NTN1: variants seen among roughly 807,000 people sequenced by gnomAD.
NTN1 encodes the protein netrin 1, also known as netrin-1.
A neutral mutation model predicts 54.2 loss-of-function variants in NTN1; 11 were observed. The observed-to-expected ratio is 0.20, with a 90% CI of 0.13 to 0.34. The LOEUF (loss-of-function observed/expected upper bound fraction) is 0.34. NTN1 is among the 10% of genes least tolerant of loss of function. The pLI is 1.00. For missense variants in NTN1, 740 were observed against 893.1 expected (o/e 0.83, Z 2.18); for synonymous variants, 371 against 382.0 (o/e 0.97, Z 0.33).
intron 5 of NTN1, among the ~76,000 whole-genome samples, chr17:9,187,786 G>A (rs760579612): frequency 4.7e-4 from 71 of 151,812 alleles, no homozygotes; most frequent in Non-Finnish European, 6.9e-4. Context: ...AGCCGTGATT[G>A]CACCACTGTA....
intron 2 of NTN1, among the ~76,000 whole-genome samples, chr17:9,159,656 C>G (rs1276775582): frequency 1.3e-5 from 2 of 151,980 alleles, no homozygotes; most frequent in Non-Finnish European, 2.9e-5. Context: ...AAAAAATTAG[C>G]CGGGTGTGGT....
chr17:9,168,371 A>G (rs928866893), intron 3 of NTN1, among the ~76,000 whole-genome samples: 2 of 152,164 alleles, frequency 1.3e-5, no homozygotes, highest in Non-Finnish European at 2.9e-5. Context: ...TGTCTCTACT[A>G]AAAATACAAA....
chr17:9,023,576 C>T (rs1274276914), intron 2 of NTN1, among the ~76,000 whole-genome samples, 185 bp downstream of exon 2: 1 of 152,286 alleles, frequency 6.6e-6, no homozygotes, highest in Non-Finnish European at 1.5e-5. Flanking sequence ...GTGGTGGACG[C>T]CCGAATTTGC....
At chr17:9,078,831 C>A (rs928083462) in intron 2 of NTN1, among the ~76,000 whole-genome samples, 2 of 152,194 alleles carry the variant, frequency 1.3e-5, no homozygotes, top group Non-Finnish European at 2.9e-5. Flanking sequence ...CTTCCTGGAG[C>A]TGATATTCTG....
intron 6 of NTN1, among the ~76,000 whole-genome samples, chr17:9,223,747 G>T (rs1294162720): frequency 3.9e-5 from 6 of 152,174 alleles, no homozygotes; most frequent in African/African-American, 1.4e-4. Flanking sequence ...AGCTTTCCTA[G>T]GCTTTGGACC....
chr17:9,004,064 G>A, the NTN1 span, among the ~76,000 whole-genome samples: 1 of 152,238 alleles, frequency 6.6e-6, no homozygotes. Context: ...CTCGGGTGAA[G>A]GCCGCAGGGG....
At position 9,243,368 on chromosome 17, in the gene NTN1, C is replaced by A. The variant is rs1199418141; in HGVS notation, c.*3400C>A. On this transcript the variant is annotated 3_prime_UTR_variant, in exon 7 of 7. Coordinates refer to ENST00000173229, the MANE Select transcript of NTN1 (RefSeq NM_004822.3). Reference sequence around the variant, plus strand: ...CATGCTGGAGAGGGGTACGGACTTACTTTCTTGGAGTTGTCCCAGGTTGGA... The same window carrying A: ...CATGCTGGAGAGGGGTACGGACTTAATTTCTTGGAGTTGTCCCAGGTTGGA... The A allele has an allele frequency of 6.6e-6, 1 of 151,496 alleles. No homozygotes were observed. Among genetic ancestry groups the A allele is most frequent in the Non-Finnish European group, 1.5e-5 (1 of 68,076 alleles). 9.4% of individuals were successfully genotyped at this position (151,496 alleles called of 1,614,324 possible).
intron 2 of NTN1, among the ~76,000 whole-genome samples, chr17:9,105,418 G>T (rs986847676): frequency 6.6e-6 from 1 of 152,180 alleles, no homozygotes; most frequent in Admixed American, 6.5e-5. Flanking sequence ...AGGAACATTT[G>T]GGGGCTGAGA....
chr17:9,118,929 C>T (rs565762989), intron 2 of NTN1, among the ~76,000 whole-genome samples: 1 of 152,230 alleles, frequency 6.6e-6, no homozygotes, highest in South Asian at 2.1e-4. Flanking sequence ...GTTTCCATTT[C>T]TTTGCCATTG....
chr17:9,176,363 C>G (rs1300876436), intron 3 of NTN1: 1 of 152,362 alleles, frequency 6.6e-6, no homozygotes, highest in African/African-American at 2.4e-5. Flanking sequence ...GTGTGAGTCT[C>G]TGTGTGTTAG....
intron 2 of NTN1, among the ~76,000 whole-genome samples, chr17:9,106,724 A>G (rs930539967): frequency 5.3e-5 from 8 of 152,108 alleles, no homozygotes; most frequent in Non-Finnish European, 7.4e-5. Context: ...CATGTTGGCC[A>G]GGCTGGTCTC....
chr17:9,101,318 C>G (rs1294522870), intron 2 of NTN1, among the ~76,000 whole-genome samples: 1 of 150,428 alleles, frequency 6.6e-6, no homozygotes, highest in Non-Finnish European at 1.5e-5. Context: ...TCGTGAGACT[C>G]TTAAACAAGA....
At chr17:9,237,876 TGA>T (rs1277573588) in intron 6 of NTN1, among the ~76,000 whole-genome samples, 2 of 152,156 alleles carry the variant, frequency 1.3e-5, no homozygotes, top group Non-Finnish European at 2.9e-5. Context: ...CACTGAGTGT[TGA>T]GTCCCTTGGT....
At position 9,127,994 on chromosome 17, in the gene NTN1, G is replaced by A. The variant is rs565488003; in HGVS notation, c.1019-34819G>A. ...TAGCTGGGCATGGTGGCACACGCCT[G>A]TAATCCCAGCTACTCAGGAAGCTGA... On this transcript the variant is annotated intron_variant, in intron 2 of 6. Transcript: ENST00000173229. Among the ~76,000 whole-genome samples, 22 of 152,198 alleles carry A rather than the reference G, an allele frequency of 1.4e-4. 3 individuals carry two copies. The highest frequency in any genetic ancestry group is 4.8e-4 in the African/African-American group (20 of 41,536).
intron 2 of NTN1, among the ~76,000 whole-genome samples, chr17:9,144,773 T>C (rs1449696502): frequency 6.6e-6 from 1 of 152,206 alleles, no homozygotes; most frequent in Admixed American, 6.5e-5. Context: ...AGCGAGCACA[T>C]GGAGGAAATG....
At chr17:9,006,593 G>A in the NTN1 span, among the ~76,000 whole-genome samples, 2 of 152,206 alleles carry the variant, frequency 1.3e-5, no homozygotes, top group Non-Finnish European at 2.9e-5. Context: ...CTAGGGCCAA[G>A]CCAACATGAC....
intron 2 of NTN1, among the ~76,000 whole-genome samples, chr17:9,104,427 A>G (rs752209296): frequency 3.3e-5 from 5 of 152,232 alleles, no homozygotes; most frequent in Admixed American, 6.5e-5. Flanking sequence ...ATAACACAAC[A>G]TACATACAGA....
chr17:9,156,350 G>A (rs2092342274), intron 2 of NTN1, among the ~76,000 whole-genome samples: 1 of 152,084 alleles, frequency 6.6e-6, no homozygotes, highest in South Asian at 2.1e-4. Flanking sequence ...TGTGCTGGAG[G>A]GCTGCTGTGG....
At chr17:9,196,943 A>G (rs1294544816) in intron 5 of NTN1, among the ~76,000 whole-genome samples, 1 of 152,058 alleles carries the variant, frequency 6.6e-6, no homozygotes, top group African/African-American at 2.4e-5. Flanking sequence ...TCTCTTCCCA[A>G]TTCTGCATTC....
Sources: allele counts gnomAD v4.1 joint callset (sites outside exome capture counted in the v4.1 genomes callset), GRCh38; gene constraint gnomAD v4.1.1; transcripts MANE v1.5; gene names NCBI Gene and HGNC (gene_info 2026-07-23, HGNC 2026-07-21).